The following RTF1 variants were observed in gnomAD, a reference collection of about 807,000 sequenced individuals.
RTF1 encodes RTF1 homolog, Paf1/RNA polymerase II complex component.
A neutral mutation model predicts 95.7 loss-of-function variants in RTF1; 10 were observed. The observed-to-expected ratio is 0.10, with a 90% CI of 0.06 to 0.18. RTF1 has a LOEUF of 0.18. RTF1 is among the 10% of genes least tolerant of loss of function. RTF1 has a pLI of 1.00. For synonymous variants in RTF1, 305 were observed against 311.8 expected, an observed-to-expected ratio of 0.98 and a Z score of 0.23; for missense variants, 458 against 875.6, an observed-to-expected ratio of 0.52 and a Z score of 6.02.
chr15:41,459,737 G>A (rs925711934), intron 4 of RTF1, among the ~76,000 whole-genome samples: 1 of 152,056 alleles, frequency 6.6e-6, no homozygotes, highest in African/African-American at 2.4e-5. Context: ...CATGGTTTTT[G>A]TATTTTTTTA....
At chr15:41,449,325 G>A (rs2050779010) in intron 2 of RTF1, among the ~76,000 whole-genome samples, 1 of 147,206 alleles carries the variant, frequency 6.8e-6, no homozygotes, top group South Asian at 2.2e-4. Flanking sequence ...CCGCCTCCCG[G>A]GTTCACACCA....
chr15:41,471,979 A>T (rs528157622), intron 8 of RTF1, among the ~76,000 whole-genome samples: 2 of 151,704 alleles, frequency 1.3e-5, no homozygotes, highest in East Asian at 3.9e-4. Context: ...GCTCACTGCA[A>T]CCTCCGCCTC....
intron 6 of RTF1, among the ~76,000 whole-genome samples, chr15:41,468,139 C>G (rs1488647696): frequency 6.6e-6 from 1 of 151,962 alleles, no homozygotes; most frequent in Non-Finnish European, 1.5e-5. Context: ...GCACTCCAGC[C>G]TGGGCAACAA....
At chr15:41,466,697 C>T (rs905650095) in intron 6 of RTF1, among the ~76,000 whole-genome samples, 1 of 152,040 alleles carries the variant, frequency 6.6e-6, no homozygotes, top group African/African-American at 2.4e-5. Context: ...AAAACAAGAC[C>T]ACTTGAATCA....
chr15:41,465,386 A>C (rs925890094), intron 5 of RTF1, among the ~76,000 whole-genome samples: 1 of 152,164 alleles, frequency 6.6e-6, no homozygotes. Context: ...CACATGTGTA[A>C]TCCCAGCACT....
intron 6 of RTF1, 149 bp downstream of exon 6, chr15:41,466,401 C>T (rs1001061760): frequency 8.4e-6 from 4 of 476,478 alleles, no homozygotes; most frequent in Non-Finnish European, 3.7e-6. Context: ...ACCCATCATC[C>T]AGCCACAGCA....
chr15:41,466,911 A>G (rs995261827), intron 6 of RTF1, among the ~76,000 whole-genome samples: 2 of 152,084 alleles, frequency 1.3e-5, no homozygotes, highest in Admixed American at 6.6e-5. Flanking sequence ...TTTCCTGTAA[A>G]TGGTTAGTTA....
chr15:41,461,697 G>T (rs1437993527), intron 4 of RTF1, among the ~76,000 whole-genome samples: 1 of 150,980 alleles, frequency 6.6e-6, no homozygotes, highest in Non-Finnish European at 1.5e-5. Context: ...CACCGTGTTA[G>T]CCAGGACGGT....
At chr15:41,461,486 A>G (rs958331886) in intron 4 of RTF1, among the ~76,000 whole-genome samples, 1 of 147,770 alleles carries the variant, frequency 6.8e-6, no homozygotes, top group Non-Finnish European at 1.5e-5. Flanking sequence ...CGGCCTGGCT[A>G]ATTTTTCTTT....
chr15:41,466,182 G>A lies in RTF1; in HGVS notation c.819G>A (p.Glu273=), dbSNP rs2050879567. The A allele has an allele frequency of 3.1e-6, 5 of 1,594,290 alleles. No homozygotes were observed. The highest frequency in any genetic ancestry group is 2.3e-5 in the South Asian group (2 of 87,116). Residue 273 remains glutamate (E), a synonymous_variant, in exon 6 of 18, where the codon GAG becomes GAA. Coordinates refer to ENST00000389629, the MANE Select transcript of RTF1 (RefSeq NM_015138.5). ...AGGAACGGCGTTCCAAGCGGGATGA[G>A]AAACTAGACAAGAAATCTCAAGCCA... The part of the protein sequence containing the change: ...HNKERRSKRD[E]KLDKKSQAME...
At chr15:41,478,288 C>T (rs953803548) in intron 14 of RTF1, among the ~76,000 whole-genome samples, 2 of 151,930 alleles carry the variant, frequency 1.3e-5, no homozygotes, top group South Asian at 2.1e-4. Context: ...ATAGTCCCAG[C>T]TGCTGGAGAG....
chr15:41,428,235 C>T (rs1595424178), intron 1 of RTF1, among the ~76,000 whole-genome samples: 2 of 148,014 alleles, frequency 1.4e-5, no homozygotes, highest in East Asian at 4.0e-4. Flanking sequence ...GTTCCAACCC[C>T]TCTACTGCAA....
intron 1 of RTF1, among the ~76,000 whole-genome samples, chr15:41,428,910 T>A (rs974977675): frequency 6.6e-6 from 1 of 152,100 alleles, no homozygotes; most frequent in Non-Finnish European, 1.5e-5. Context: ...CTACTTTTTG[T>A]ATTTTTAGTA....
At chr15:41,427,346 T>C (rs1025365635) in intron 1 of RTF1, among the ~76,000 whole-genome samples, 1 of 150,170 alleles carries the variant, frequency 6.7e-6, no homozygotes, top group Admixed American at 6.7e-5. Context: ...AGAGACGGGG[T>C]TTCACCGTGT....
chr15:41,437,587 A>G (rs2050711441), intron 1 of RTF1, among the ~76,000 whole-genome samples: 1 of 152,182 alleles, frequency 6.6e-6, no homozygotes, highest in Non-Finnish European at 1.5e-5. Context: ...AGAGCAAGTA[A>G]CCTTTTGTTG....
intron 6 of RTF1, 86 bp downstream of exon 6, chr15:41,466,338 T>G: frequency 1.2e-6 from 1 of 842,088 alleles, no homozygotes; most frequent in Non-Finnish European, 1.8e-6. Flanking sequence ...TCTTGTTATA[T>G]CTTTCTCATA....
intron 7 of RTF1, 43 bp downstream of exon 7, chr15:41,470,435 G>A (rs778130428): frequency 1.3e-6 from 2 of 1,599,004 alleles, no homozygotes; most frequent in South Asian, 2.2e-5. Flanking sequence ...GGATAGGTGG[G>A]TTTTTGAGGA....
In RTF1 at chr15:41,417,250, G is replaced by A. The variant is rs1057211490; in HGVS notation, c.135G>A (p.Arg45=). The A allele has an allele frequency of 3.2e-6, 4 of 1,253,456 alleles. No homozygotes were observed. The African/African-American group carries it at 4.7e-5, about 15-fold the overall frequency. 77.6% of individuals were successfully genotyped at this position (1,253,456 alleles called of 1,614,324 possible). A position where few individuals can be genotyped will look rare whatever the true frequency, so the allele number is the denominator to read the frequency against. Residue 45 remains arginine, a synonymous_variant, in exon 1 of 18, where the codon CGG becomes CGA. Coordinates refer to ENST00000389629, the MANE Select transcript of RTF1 (RefSeq NM_015138.5). ...GSRGTTMVKK[R]KGRVVIDSDT... ...GGGGGACCACCATGGTAAAGAAGCG[G>A]AAAGGCCGCGTCGTGATCGACTCGG...
intron 2 of RTF1, among the ~76,000 whole-genome samples, chr15:41,442,800 C>T (rs905115350): frequency 6.6e-6 from 1 of 152,106 alleles, no homozygotes; most frequent in Non-Finnish European, 1.5e-5. Flanking sequence ...GTATGAAAAT[C>T]GCTTGAGCCC....
Sources: gnomAD v4.1 joint callset for allele counts (sites outside exome capture counted in the v4.1 genomes callset) on GRCh38, gnomAD v4.1.1 for gene constraint, MANE v1.5 for transcripts, NCBI Gene and HGNC (gene_info 2026-07-23, HGNC 2026-07-21) for gene names.